ZBTB20: variants seen among roughly 807,000 people sequenced by gnomAD.
ZBTB20 encodes zinc finger and BTB domain-containing protein 20.
In ZBTB20, 9 loss-of-function variants were observed where a neutral mutation model predicts 56.9. That is an observed-to-expected ratio of 0.16 (90% CI 0.10 to 0.28). ZBTB20 has a LOEUF of 0.28. Ranked by LOEUF, ZBTB20 falls within the 10% of genes least tolerant of loss-of-function variation. ZBTB20 has a pLI of 1.00. For synonymous variants in ZBTB20, 417 were observed against 420.7 expected, an observed-to-expected ratio of 0.99 and a Z score of 0.11; for missense variants, 655 against 1,003.0, an observed-to-expected ratio of 0.65 and a Z score of 4.69.
intron 2 of ZBTB20, among the ~76,000 whole-genome samples, chr3:114,998,604 T>C (rs2079120508): frequency 6.6e-6 from 1 of 151,710 alleles, no homozygotes; most frequent in Non-Finnish European, 1.5e-5. Context: ...ACTCTAGATA[T>C]GCAGCAGAGT....
intron 7 of ZBTB20, among the ~76,000 whole-genome samples, chr3:114,405,193 C>CTT (rs34549916): frequency 6.6e-6 from 1 of 151,362 alleles, no homozygotes; most frequent in African/African-American, 2.4e-5. Context: ...AACAGTCTGA[C>CTT]TTTTTTTTTC....
rs2076615501 is a variant in ZBTB20, at chr3:114,938,301, CT to C, written c.-456+36064del. ...AATTAGATCCCATTTGTCATTTTGGCTTTTGTTGCCATTGCTTTTGGTGTTT... is the reference window on the plus strand; with the variant it reads ...AATTAGATCCCATTTGTCATTTTGGCTTTGTTGCCATTGCTTTTGGTGTTT... On this transcript the variant is annotated intron_variant, in intron 3 of 11. Coordinates refer to ENST00000675478, the MANE Select transcript of ZBTB20 (RefSeq NM_001348800.3). Among the ~76,000 whole-genome samples the C allele has an allele frequency of 1.4e-5, 2 of 145,804 alleles. 1 individual carries two copies. The highest frequency in any genetic ancestry group is 4.3e-4 in the South Asian group (2 of 4,658).
chr3:114,813,509 G>T (rs1423824386), intron 4 of ZBTB20, among the ~76,000 whole-genome samples: 1 of 152,188 alleles, frequency 6.6e-6, no homozygotes, highest in Non-Finnish European at 1.5e-5. Context: ...CTAGCATTTT[G>T]CAAGGCTGAG....
At chr3:114,404,609 T>C (rs942822955) in intron 7 of ZBTB20, among the ~76,000 whole-genome samples, 2 of 152,158 alleles carry the variant, frequency 1.3e-5, no homozygotes, top group African/African-American at 2.4e-5. Context: ...ATTGGCTTTA[T>C]AGTCTGGTGT....
chr3:114,931,971 C>T (rs968413778), intron 3 of ZBTB20, among the ~76,000 whole-genome samples: 8 of 152,320 alleles, frequency 5.3e-5, no homozygotes, highest in South Asian at 2.1e-4. Context: ...TGATGCCACA[C>T]GTCACCTAAC....
intron 3 of ZBTB20, among the ~76,000 whole-genome samples, chr3:114,915,730 T>A (rs566392121): frequency 3.3e-5 from 5 of 152,024 alleles, no homozygotes; most frequent in Admixed American, 6.5e-5. Context: ...TCACTACAAA[T>A]TTCCCTCTTA....
At chr3:115,133,076 G>T (rs535164067) in intron 1 of ZBTB20, among the ~76,000 whole-genome samples, 1 of 151,900 alleles carries the variant, frequency 6.6e-6, no homozygotes, top group African/African-American at 2.4e-5. Flanking sequence ...GGAATATTTT[G>T]ATATTTTTCC....
chr3:115,147,029 C>G (rs2085017732), intron 1 of ZBTB20, among the ~76,000 whole-genome samples, 190 bp downstream of exon 1: 1 of 149,474 alleles, frequency 6.7e-6, no homozygotes, highest in Non-Finnish European at 1.5e-5. Context: ...GGCGCGCGCG[C>G]TCATCCAGCT....
intron 10 of ZBTB20, among the ~76,000 whole-genome samples, chr3:114,371,308 A>G (rs567792814): frequency 1.3e-5 from 2 of 152,236 alleles, no homozygotes; most frequent in South Asian, 2.1e-4. Context: ...GTGAGGATAC[A>G]TATTGTTTTA....
At chr3:114,884,703 C>T (rs2076538207) in intron 4 of ZBTB20, among the ~76,000 whole-genome samples, 1 of 152,066 alleles carries the variant, frequency 6.6e-6, no homozygotes. Context: ...GGAGAGATAA[C>T]TATATATTCC....
intron 2 of ZBTB20, among the ~76,000 whole-genome samples, chr3:115,015,316 A>G (rs780169838): frequency 1.3e-5 from 2 of 151,786 alleles, no homozygotes; most frequent in African/African-American, 2.4e-5. Context: ...ATTTTTTTCA[A>G]CTTTCAAAAG....
chr3:114,628,085 C>A (rs1176404990), intron 6 of ZBTB20, among the ~76,000 whole-genome samples: 1 of 152,204 alleles, frequency 6.6e-6, no homozygotes, highest in Non-Finnish European at 1.5e-5. Context: ...TCTGCCAACA[C>A]TAAGATTCTA....
chr3:114,989,414 ATG>A (rs771620298), intron 2 of ZBTB20, among the ~76,000 whole-genome samples: 20 of 151,858 alleles, frequency 1.3e-4, no homozygotes, highest in Admixed American at 1.0e-3. Context: ...ATGGTTGTAG[ATG>A]TGTGGTATTA....
intron 2 of ZBTB20, among the ~76,000 whole-genome samples, chr3:115,067,867 G>A (rs976063563): frequency 6.6e-6 from 1 of 152,088 alleles, no homozygotes; most frequent in South Asian, 2.1e-4. Context: ...AATAGTGGTG[G>A]ATTAACCCAT....
chr3:114,912,977 C>A (rs777298279), intron 3 of ZBTB20, among the ~76,000 whole-genome samples: 27 of 151,948 alleles, frequency 1.8e-4, no homozygotes, highest in African/African-American at 6.3e-4. Context: ...TTTATCCATT[C>A]TTTTGTTAAT....
intron 6 of ZBTB20, among the ~76,000 whole-genome samples, chr3:114,609,964 C>T (rs2057431982): frequency 6.6e-6 from 1 of 152,110 alleles, no homozygotes; most frequent in African/African-American, 2.4e-5. Context: ...TGTCAGTGAC[C>T]AGAGCTAGCC....
chr3:114,881,968 T>C (rs2076416167), intron 4 of ZBTB20, among the ~76,000 whole-genome samples: 1 of 151,812 alleles, frequency 6.6e-6, no homozygotes, highest in African/African-American at 2.4e-5. Flanking sequence ...AAGGAAATTA[T>C]TGAAAAAATG....
At chr3:114,738,389 C>T (rs564264777) in intron 5 of ZBTB20, among the ~76,000 whole-genome samples, 5 of 151,906 alleles carry the variant, frequency 3.3e-5, no homozygotes, top group African/African-American at 7.2e-5. Flanking sequence ...TATTTTTAAT[C>T]GGTGGGCATG....
In ZBTB20 at chr3:114,390,292, C is replaced by G. The variant is rs139023731; in HGVS notation, c.-254-1187G>C. On this transcript the variant is annotated intron_variant, in intron 7 of 11. Coordinates refer to ENST00000675478, the MANE Select transcript of ZBTB20 (RefSeq NM_001348800.3). ...GACAAGATTTCCTTCTTTTTGAAGG[C>G]TGAATAGTGTTCCATTGTGTACTTT... Among the ~76,000 whole-genome samples the G allele has an allele frequency of 3.3e-5, 5 of 152,294 alleles. No individual in the cohort carries two copies. The East Asian group carries it at 9.6e-4, about 29-fold the overall frequency.
Sources: allele counts gnomAD v4.1 joint callset (sites outside exome capture counted in the v4.1 genomes callset), GRCh38; gene constraint gnomAD v4.1.1; transcripts MANE v1.5; gene names NCBI Gene and HGNC (gene_info 2026-07-23, HGNC 2026-07-21).